The following OR5P2 variants were observed in gnomAD, a reference collection of about 807,000 sequenced individuals.
OR5P2 encodes olfactory receptor family 5 subfamily P member 2, also known as olfactory receptor 5P2.
For missense variants in OR5P2, 455 were observed against 382.3 expected (o/e 1.19, Z -1.59); for synonymous variants, 165 against 145.6 (o/e 1.13, Z -0.96).
In OR5P2 at chr11:7,796,296, T is replaced by C. The variant is rs568957435; in HGVS notation, c.647A>G (p.Tyr216Cys). The C allele has an allele frequency of 3.7e-6, 6 of 1,604,706 alleles. No individual in the cohort carries two copies. The highest frequency in any genetic ancestry group is 2.9e-5 in the African/African-American group (2 of 69,148). Residue 216 changes from tyrosine (Y) to cysteine (C), a missense_variant, in exon 1 of 1, where the codon TAT becomes TGT. Coordinates refer to ENST00000329434, the MANE Select transcript of OR5P2 (RefSeq NM_153444.1). ...CATCTTCAGGATGGTGATGAGGATATAGATGTAGCAGACGGCTATGACACA... is the reference window on the plus strand; with the variant it reads ...CATCTTCAGGATGGTGATGAGGATACAGATGTAGCAGACGGCTATGACACA... ...TVCVIAVCYI[Y>C]ILITILKMRS...
Position 7,796,328 on chromosome 11 carries a change from G to A in OR5P2, c.615C>T (p.Val205=). 1 of 1,605,130 alleles carries A rather than the reference G, an allele frequency of 6.2e-7. No homozygotes were observed. The highest frequency in any genetic ancestry group is 8.5e-7 in the Non-Finnish European group (1 of 1,178,590). The stretch of plus-strand genomic sequence containing the variant: ...AGCAGACGGCTATGACACACACAGT[G>A]ACCACAATGATGGATCCAGAAGAAA... ...LSFSSGSIIV[V]TVCVIAVCYI... is the part of the protein sequence containing the mutation. Residue 205 remains valine, a synonymous_variant, in exon 1 of 1, where the codon GTC becomes GTT. Coordinates refer to ENST00000329434, the MANE Select transcript of OR5P2 (RefSeq NM_153444.1).
chr11:7,796,383 T>A lies in OR5P2; in HGVS notation c.560A>T (p.Asp187Val), dbSNP rs1421278782. 2 of 1,604,780 alleles carry A rather than the reference T, an allele frequency of 1.2e-6. No homozygotes were observed. Among genetic ancestry groups the A allele is most frequent in the South Asian group, 1.1e-5 (1 of 90,356 alleles). ...GAGAACAACTGTGGAGACACTGATA[T>A]CAGAACAGGAGAGTTCAAGTAAGGG... ...FAPLLELSCS[D>V]ISVSTVVLSF... is the part of the protein sequence containing the mutation. Residue 187 changes from aspartate (D) to valine (V), a missense_variant, in exon 1 of 1, where the codon GAT (aspartate) becomes GTT (valine). By Grantham distance (152) the Asp-to-Val change is radical. Coordinates refer to ENST00000329434, the MANE Select transcript of OR5P2 (RefSeq NM_153444.1).
In OR5P2 at chr11:7,796,892, T is replaced by C. The variant is rs759184976; in HGVS notation, c.51A>G (p.Leu17=). 6.3e-6 allele frequency: 10 copies of C among 1,595,292 alleles called. 1 individual carries two copies. The highest frequency in any genetic ancestry group is 8.5e-6 in the Non-Finnish European group (10 of 1,172,560). The change falls in exon 1 of 1, where the codon CTA becomes CTG. Residue 17 remains leucine, a synonymous_variant. Coordinates refer to ENST00000329434, the MANE Select transcript of OR5P2 (RefSeq NM_153444.1). ...GGATTGGATCATCTGTTAAGCCCAATAGGATGAACCCCGTCAGAGCGGTGT... is the reference window on the plus strand; with the variant it reads ...GGATTGGATCATCTGTTAAGCCCAACAGGATGAACCCCGTCAGAGCGGTGT... The part of the protein sequence containing the change: ...GNHTALTGFI[L]LGLTDDPILR...
At position 7,796,297 on chromosome 11, in the gene OR5P2, A is replaced by G. The variant is rs767739456; in HGVS notation, c.646T>C (p.Tyr216His). ...ATCTTCAGGATGGTGATGAGGATAT[A>G]GATGTAGCAGACGGCTATGACACAC... is the stretch of plus-strand genomic sequence containing the variant. ...TVCVIAVCYI[Y>H]ILITILKMRS... Residue 216 changes from tyrosine to histidine, a missense_variant, in exon 1 of 1, where the codon TAT becomes CAT. Coordinates refer to ENST00000329434, the MANE Select transcript of OR5P2 (RefSeq NM_153444.1). 1.2e-6 allele frequency: 2 copies of G among 1,604,898 alleles called. No homozygotes were observed. Among genetic ancestry groups the G allele is most frequent in the African/African-American group, 1.4e-5 (1 of 69,280 alleles).
Position 7,796,015 on chromosome 11 carries a change from C to G in OR5P2, c.928G>C (p.Ala310Pro). Residue 310 changes from alanine (A) to proline (P), a missense_variant, in exon 1 of 1, where the codon GCT (alanine) becomes CCT (proline). Physicochemically the swap from Ala to Pro is conservative, Grantham distance 27. Coordinates refer to ENST00000329434, the MANE Select transcript of OR5P2 (RefSeq NM_153444.1). ...TTTGAAGTTCTACTAAAATAACAAGCATCATGAGAAAGTATTTTTCTAACA... is the reference window on the plus strand; with the variant it reads ...TTTGAAGTTCTACTAAAATAACAAGGATCATGAGAAAGTATTTTTCTAACA... ...ELVRKILSHD[A>P]CYFSRTSNND... 3 of 1,594,232 alleles carry G rather than the reference C, an allele frequency of 1.9e-6. No homozygotes were observed. The highest frequency in any genetic ancestry group is 2.6e-6 in the Non-Finnish European group (3 of 1,170,188).
chr11:7,796,039 C>G lies in OR5P2; in HGVS notation c.904G>C (p.Val302Leu). Residue 302 changes from valine (V) to leucine (L), a missense_variant, in exon 1 of 1, where the codon GTT (valine) becomes CTT (leucine). By Grantham distance (32) the Val-to-Leu change is conservative (BLOSUM62 1). Coordinates refer to ENST00000329434, the MANE Select transcript of OR5P2 (RefSeq NM_153444.1). Reference sequence around the variant, plus strand: ...GCATCATGAGAAAGTATTTTTCTAACAAGCTCTCTCTTCAGAGCCCCCTTA... The same window carrying G: ...GCATCATGAGAAAGTATTTTTCTAAGAAGCTCTCTCTTCAGAGCCCCCTTA... Reference protein sequence around the residue: ...EIKGALKRELVRKILSHDACY... With the variant: ...EIKGALKRELLRKILSHDACY... 1 of 1,603,054 alleles carries G rather than the reference C, an allele frequency of 6.2e-7. No individual in the cohort carries two copies.
At position 7,796,239 on chromosome 11, in the gene OR5P2, G is replaced by GGTGA; in HGVS notation, c.703_704insTCAC (p.Ser235PhefsTer28). ...CACAGTGAGGTGGGAAGTGCAGGTGGAGAAGGCCTTGTGGTGCCCCTCAGT... is the reference window on the plus strand; with the variant it reads ...CACAGTGAGGTGGGAAGTGCAGGTGGGTGAAGAAGGCCTTGTGGTGCCCCTCAGT... On this transcript the variant is annotated frameshift_variant, in exon 1 of 1. Transcript: ENST00000329434. LOFTEE classifies it high-confidence loss of function. 1 of 1,605,156 alleles carries GGTGA rather than the reference G, an allele frequency of 6.2e-7. No individual in the cohort carries two copies. The highest frequency in any genetic ancestry group is 8.5e-7 in the Non-Finnish European group (1 of 1,178,752).
chr11:7,796,519 A>C lies in OR5P2; in HGVS notation c.424T>G (p.Leu142Val). The C allele has an allele frequency of 6.2e-7, 1 of 1,605,238 alleles. No homozygotes were observed. The highest frequency in any genetic ancestry group is 8.5e-7 in the Non-Finnish European group (1 of 1,178,290). Reference protein sequence around the residue: ...MSTQVSVQLLLVVYIAGFLIA... With the variant: ...MSTQVSVQLLVVVYIAGFLIA... Reference sequence around the variant, plus strand: ...AGAAAACCAGCTATGTAAACTACTAAGAGTAGCTGGACACTGACTTGTGTG... The same window carrying C: ...AGAAAACCAGCTATGTAAACTACTACGAGTAGCTGGACACTGACTTGTGTG... The change falls in exon 1 of 1, where the codon TTA (leucine) becomes GTA (valine). Residue 142 changes from leucine (L) to valine (V), a missense_variant. Physicochemically the swap from Leu to Val is conservative, Grantham distance 32. Transcript: ENST00000329434.
In OR5P2 at chr11:7,796,177, C is replaced by A. The variant is rs775514993; in HGVS notation, c.766G>T (p.Val256Leu). The change falls in exon 1 of 1, where the codon GTG (valine) becomes TTG (leucine). Residue 256 changes from valine to leucine, a missense_variant. By Grantham distance (32) the Val-to-Leu change is conservative (BLOSUM62 1). Coordinates refer to ENST00000329434, the MANE Select transcript of OR5P2 (RefSeq NM_153444.1). ...GTTGAGTAGCTAAAATTGGGCATCA[C>A]ATAAATGAAGGTAATGGTCCCATAG... ...LFYGTITFIYVMPNFSYSTDQ... is the reference protein window; with the variant it reads ...LFYGTITFIYLMPNFSYSTDQ... 6.2e-7 allele frequency: 1 copy of A among 1,605,002 alleles called. No individual in the cohort carries two copies. Among genetic ancestry groups the A allele is most frequent in the Admixed American group, 1.7e-5 (1 of 59,768 alleles).
rs1317754808 is a variant in OR5P2 at position 7,796,254 on chromosome 11, T to C, written c.689A>G (p.His230Arg). The change falls in exon 1 of 1, where the codon CAC becomes CGC. Residue 230 changes from histidine to arginine, a missense_variant. His to Arg is a conservative substitution (Grantham distance 29). Transcript: ENST00000329434. ...TILKMRSTEG[H>R]HKAFSTCTSH... is the part of the protein sequence containing the mutation. ...AGTGCAGGTGGAGAAGGCCTTGTGG[T>C]GCCCCTCAGTGGAGCGCATCTTCAG... 3 of 1,605,050 alleles carry C rather than the reference T, an allele frequency of 1.9e-6. 1 individual carries two copies. The highest frequency in any genetic ancestry group is 4.5e-5 in the East Asian group (2 of 44,332).
rs915511451 is a variant in OR5P2, at chr11:7,796,271, C to A, written c.672G>T (p.Met224Ile). The change falls in exon 1 of 1, where the codon ATG becomes ATT. Residue 224 changes from methionine to isoleucine, a missense_variant. Transcript: ENST00000329434. ...CCTTGTGGTGCCCCTCAGTGGAGCG[C>A]ATCTTCAGGATGGTGATGAGGATAT... is the stretch of plus-strand genomic sequence containing the variant. ...YIYILITILK[M>I]RSTEGHHKAF... 21 of 1,604,898 alleles carry A rather than the reference C, an allele frequency of 1.3e-5. No homozygotes were observed. The highest frequency in any genetic ancestry group is 1.5e-5 in the Non-Finnish European group (18 of 1,178,606).
chr11:7,796,586 A>G lies in OR5P2; in HGVS notation c.357T>C (p.Phe119=), dbSNP rs773219625. The change falls in exon 1 of 1, where the codon TTT becomes TTC. Residue 119 remains phenylalanine (F), a synonymous_variant. Transcript: ENST00000329434. The part of the protein sequence containing the change: ...VLLAAMAYDR[F]VAICSPLLYS... Reference sequence around the variant, plus strand: ...AAAGCAGTGGACTGCAAATTGCCACAAAGCGGTCATAGGCCATGGCAGCCA... The same window carrying G: ...AAAGCAGTGGACTGCAAATTGCCACGAAGCGGTCATAGGCCATGGCAGCCA... 1.1e-5 allele frequency: 18 copies of G among 1,605,576 alleles called. No individual in the cohort carries two copies. Among genetic ancestry groups the G allele is most frequent in the Non-Finnish European group, 1.5e-5 (18 of 1,178,806 alleles).
chr11:7,796,636 A>G lies in OR5P2; in HGVS notation c.307T>C (p.Phe103Leu). The G allele has an allele frequency of 6.2e-7, 1 of 1,605,322 alleles. No homozygotes were observed. Among genetic ancestry groups the G allele is most frequent in the Non-Finnish European group, 8.5e-7 (1 of 1,178,626 alleles). The change falls in exon 1 of 1, where the codon TTT becomes CTT. Residue 103 changes from phenylalanine to leucine, a missense_variant. Transcript: ENST00000329434. Reference protein sequence around the residue: ...CAIQLGSAAFFATVECVLLAA... With the variant: ...CAIQLGSAAFLATVECVLLAA... ...AGAAGGACGCATTCGACTGTTGCAA[A>G]GAAAGCCGCTGAACCAAGCTGGATG...
In OR5P2 at chr11:7,796,809, A is replaced by G. The variant is rs747547531; in HGVS notation, c.134T>C (p.Ile45Thr). Reference sequence around the variant, plus strand: ...ATGATGGAGCTGAGAAGAAATTCTGATAAGAATAATTATGCTGAGATTACC... The same window carrying G: ...ATGATGGAGCTGAGAAGAAATTCTGGTAAGAATAATTATGCTGAGATTACC... The part of the protein sequence containing the change: ...LSGNLSIIIL[I>T]RISSQLHHPM... Residue 45 changes from isoleucine to threonine, a missense_variant, in exon 1 of 1, where the codon ATC (isoleucine) becomes ACC (threonine). By Grantham distance (89) the Ile-to-Thr change is moderately conservative. Coordinates refer to ENST00000329434, the MANE Select transcript of OR5P2 (RefSeq NM_153444.1). 6 of 1,571,830 alleles carry G rather than the reference A, an allele frequency of 3.8e-6. No homozygotes were observed. Among genetic ancestry groups the G allele is most frequent in the South Asian group, 1.1e-5 (1 of 89,802 alleles).
Position 7,796,163 on chromosome 11 carries a change from A to C in OR5P2, c.780T>G (p.Phe260Leu). ...TITFIYVMPNFSYSTDQNKVV... is the reference protein window; with the variant it reads ...TITFIYVMPNLSYSTDQNKVV... ...CCTTGTTCTGGTCAGTTGAGTAGCT[A>C]AAATTGGGCATCACATAAATGAAGG... The change falls in exon 1 of 1, where the codon TTT (phenylalanine) becomes TTG (leucine). Residue 260 changes from phenylalanine to leucine, a missense_variant. Phe to Leu is a conservative substitution (Grantham distance 22, BLOSUM62 0). Transcript: ENST00000329434. 6.2e-7 allele frequency: 1 copy of C among 1,605,124 alleles called. No homozygotes were observed. Among genetic ancestry groups the C allele is most frequent in the South Asian group, 1.1e-5 (1 of 90,370 alleles).
chr11:7,796,834 C>T lies in OR5P2; in HGVS notation c.109G>A (p.Gly37Ser), dbSNP rs1468454876. ...RVILFMIILS[G>S]NLSIIILIRI... ...ATAAGAATAATTATGCTGAGATTACCAGATAGGATGATCATGAAGAGGATG... is the reference window on the plus strand; with the variant it reads ...ATAAGAATAATTATGCTGAGATTACTAGATAGGATGATCATGAAGAGGATG... Residue 37 changes from glycine (G) to serine (S), a missense_variant, in exon 1 of 1, where the codon GGT becomes AGT. By Grantham distance (56) the Gly-to-Ser change is moderately conservative (BLOSUM62 0). Coordinates refer to ENST00000329434, the MANE Select transcript of OR5P2 (RefSeq NM_153444.1). 1 of 1,516,232 alleles carries T rather than the reference C, an allele frequency of 6.6e-7. No individual in the cohort carries two copies. The highest frequency in any genetic ancestry group is 2.0e-5 in the African/African-American group (1 of 50,854). 93.9% of individuals were successfully genotyped at this position (1,516,232 alleles called of 1,614,324 possible). A position where few individuals can be genotyped will look rare whatever the true frequency, so the allele number is the denominator to read the frequency against.
In OR5P2 at chr11:7,796,822, T is replaced by C. The variant is rs142078084; in HGVS notation, c.121A>G (p.Ile41Val). The part of the protein sequence containing the change: ...FMIILSGNLS[I>V]IILIRISSQL... ...GAAGAAATTCTGATAAGAATAATTA[T>C]GCTGAGATTACCAGATAGGATGATC... Residue 41 changes from isoleucine (I) to valine (V), a missense_variant, in exon 1 of 1, where the codon ATA (isoleucine) becomes GTA (valine). Transcript: ENST00000329434. 3.7e-5 allele frequency: 59 copies of C among 1,597,562 alleles called. 1 individual carries two copies. The highest frequency in any genetic ancestry group is 4.9e-5 in the Non-Finnish European group (57 of 1,172,478).
chr11:7,796,166 A>C lies in OR5P2; in HGVS notation c.777T>G (p.Asn259Lys). 6.2e-7 allele frequency: 1 copy of C among 1,605,152 alleles called. No homozygotes were observed. Residue 259 changes from asparagine to lysine, a missense_variant, in exon 1 of 1, where the codon AAT (asparagine) becomes AAG (lysine). Coordinates refer to ENST00000329434, the MANE Select transcript of OR5P2 (RefSeq NM_153444.1). ...TGTTCTGGTCAGTTGAGTAGCTAAA[A>C]TTGGGCATCACATAAATGAAGGTAA... ...GTITFIYVMP[N>K]FSYSTDQNKV... is the part of the protein sequence containing the mutation.
In OR5P2 at chr11:7,796,274, C is replaced by G; in HGVS notation, c.669G>C (p.Lys223Asn). The G allele has an allele frequency of 6.2e-7, 1 of 1,605,014 alleles. No homozygotes were observed. The highest frequency in any genetic ancestry group is 8.5e-7 in the Non-Finnish European group (1 of 1,178,618). ...TGTGGTGCCCCTCAGTGGAGCGCATCTTCAGGATGGTGATGAGGATATAGA... is the reference window on the plus strand; with the variant it reads ...TGTGGTGCCCCTCAGTGGAGCGCATGTTCAGGATGGTGATGAGGATATAGA... ...CYIYILITIL[K>N]MRSTEGHHKA... is the part of the protein sequence containing the mutation. Residue 223 changes from lysine (K) to asparagine (N), a missense_variant, in exon 1 of 1, where the codon AAG becomes AAC. Transcript: ENST00000329434.
Sources: gnomAD v4.1 joint callset for allele counts on GRCh38, gnomAD v4.1.1 for gene constraint, MANE v1.5 for transcripts, NCBI Gene and HGNC (gene_info 2026-07-23, HGNC 2026-07-21) for gene names.